Variants in UBTD2 observed in about 807,000 individuals in gnomAD.
The protein encoded by UBTD2 is ubiquitin domain-containing protein 2.
UBTD2 carries 9 observed loss-of-function variants against 19.8 expected under a neutral mutation model. The ratio of observed to expected loss-of-function variants is 0.46; its 90% CI spans 0.27 to 0.79. UBTD2 has a LOEUF of 0.79. Ranked by LOEUF, UBTD2 falls within the 30% of genes least tolerant of loss-of-function variation. The pLI, the probability that UBTD2 is intolerant of heterozygous loss-of-function variation, is 0.14. For missense variants in UBTD2, 250 were observed against 300.4 expected (o/e 0.83, Z 1.24); for synonymous variants, 98 against 103.9 (o/e 0.94, Z 0.35).
chr5:172,242,888 T>C (rs1772159711), intron 1 of UBTD2, among the ~76,000 whole-genome samples: 1 of 152,232 alleles, frequency 6.6e-6, no homozygotes, highest in Non-Finnish European at 1.5e-5. Flanking sequence ...TCTTCCCTCA[T>C]TCCCTTTTTA....
intron 1 of UBTD2, among the ~76,000 whole-genome samples, chr5:172,262,657 CA>C (rs923517601): frequency 6.6e-6 from 1 of 150,496 alleles, no homozygotes; most frequent in Non-Finnish European, 1.5e-5. Context: ...ACTAAGAATA[CA>C]AAAAAAATTA....
chr5:172,214,413 C>T (rs1003388546), intron 2 of UBTD2, among the ~76,000 whole-genome samples: 3 of 152,216 alleles, frequency 2.0e-5, no homozygotes, highest in African/African-American at 7.2e-5. Flanking sequence ...AATCTTCCCT[C>T]TTCTCTGTTT....
chr5:172,270,952 T>TAATATAGTCTCACGACA, intron 1 of UBTD2, among the ~76,000 whole-genome samples: 1 of 152,318 alleles, frequency 6.6e-6, no homozygotes, highest in East Asian at 1.9e-4. Context: ...GGTCTACTTA[T>TAATATAGTCTCACGACA]GGCAATCCTG....
intron 1 of UBTD2, among the ~76,000 whole-genome samples, chr5:172,276,070 T>C (rs1755598503): frequency 6.6e-6 from 1 of 152,196 alleles, no homozygotes; most frequent in Non-Finnish European, 1.5e-5. Flanking sequence ...CTTGAGAATC[T>C]TGTGAAAATG....
chr5:172,278,750 T>C (rs1755654632), intron 1 of UBTD2, among the ~76,000 whole-genome samples: 1 of 152,132 alleles, frequency 6.6e-6, no homozygotes, highest in South Asian at 2.1e-4. Flanking sequence ...AGACGGTAAT[T>C]GTTATATGTT....
At chr5:172,214,458 T>C (rs574817260) in intron 2 of UBTD2, among the ~76,000 whole-genome samples, 1 of 152,318 alleles carries the variant, frequency 6.6e-6, no homozygotes, top group Admixed American at 6.5e-5. Flanking sequence ...ATTGTAGAAA[T>C]GGATCTACTT....
chr5:172,248,925 G>C (rs1754935329), intron 1 of UBTD2, among the ~76,000 whole-genome samples: 1 of 150,214 alleles, frequency 6.7e-6, no homozygotes, highest in Admixed American at 6.7e-5. Context: ...GTCACGGAGA[G>C]AGGGCCTGTC....
chr5:172,255,455 T>A (rs1257003489), intron 1 of UBTD2: 1 of 440,564 alleles, frequency 2.3e-6, no homozygotes, highest in Non-Finnish European at 4.6e-6. Flanking sequence ...CCTTCTAGGG[T>A]GCTCTGGTGT....
rs187024610 is a variant in UBTD2, at chr5:172,212,237, G to C, written c.308-10C>G. ...CACTCTGTAAGTGCACCTTCAGAAA[G>C]AGAAGATATGAATAAGAACTTAATC... On this transcript the variant is annotated splice_polypyrimidine_tract_variant and intron_variant, in intron 2 of 2. Coordinates refer to ENST00000393792, the MANE Select transcript of UBTD2 (RefSeq NM_152277.3). 3.2e-6 allele frequency: 5 copies of C among 1,573,380 alleles called. No individual in the cohort carries two copies. Among genetic ancestry groups the C allele is most frequent in the Middle Eastern group, 1.7e-4 (1 of 5,862 alleles).
At chr5:172,274,477 A>G (rs1755567608) in intron 1 of UBTD2, among the ~76,000 whole-genome samples, 1 of 152,258 alleles carries the variant, frequency 6.6e-6, no homozygotes, top group Admixed American at 6.5e-5. Context: ...AAAGAATAGA[A>G]GCATAAGAAA....
intron 1 of UBTD2, among the ~76,000 whole-genome samples, chr5:172,262,625 A>C (rs1016043805): frequency 1.3e-5 from 2 of 151,830 alleles, no homozygotes; most frequent in Admixed American, 1.3e-4. Flanking sequence ...CAGCCTCACC[A>C]ACAAGGCAAA....
At chr5:172,253,481 G>T (rs1755070882) in intron 1 of UBTD2, among the ~76,000 whole-genome samples, 2 of 147,378 alleles carry the variant, frequency 1.4e-5, no homozygotes, top group African/African-American at 5.0e-5. Context: ...TTGAGATGGA[G>T]TCTCACTCTG....
In UBTD2 at chr5:172,283,628, C is replaced by T. The variant is rs1755771186; in HGVS notation, c.38G>A (p.Gly13Asp). ...GCVGAQHDSS[G>D]SLNENSEGTG... ...GCCCTCCGAGTTCTCGTTGAGGCTG[C>T]CCGAGGAGTCGTGCTGGGCGCCCAC... Residue 13 changes from glycine to aspartate, a missense_variant, in exon 1 of 3, where the codon GGC becomes GAC. Transcript: ENST00000393792. The surrounding 1 kb of genome is among the most constrained non-coding windows in gnomAD (Gnocchi z 4.3). 3.9e-6 allele frequency: 5 copies of T among 1,293,976 alleles called. No homozygotes were observed. The highest frequency in any genetic ancestry group is 1.5e-5 in the African/African-American group (1 of 65,250). 80.2% of individuals were successfully genotyped at this position (1,293,976 alleles called of 1,614,324 possible).
intron 1 of UBTD2, among the ~76,000 whole-genome samples, chr5:172,242,954 G>A (rs1772160915): frequency 6.6e-6 from 1 of 151,950 alleles, no homozygotes; most frequent in Non-Finnish European, 1.5e-5. Context: ...ATAAATTTCA[G>A]TCACTATGTA....
At chr5:172,266,578 G>A (rs187294645) in intron 1 of UBTD2, among the ~76,000 whole-genome samples, 80 of 152,346 alleles carry the variant, frequency 5.3e-4, no homozygotes, top group African/African-American at 1.9e-3. Flanking sequence ...AATTGGAGGT[G>A]AAGAGATGTA....
At position 172,267,900 on chromosome 5, in the gene UBTD2, A is replaced by G. The variant is rs1333127452; in HGVS notation, c.70+15696T>C. 2.0e-5 allele frequency among the ~76,000 whole-genome samples: 3 copies of G among 152,362 alleles called. No homozygotes were observed. The East Asian group carries it at 5.8e-4, about 29-fold the overall frequency. ...ATTTAAGGTCATAAAGAAACGGAAG[A>G]TGAGTGGAACACTCAAGGGTTCTTC... On this transcript the variant is annotated intron_variant, in intron 1 of 2. Transcript: ENST00000393792.
rs60201763 is a variant in UBTD2 at position 172,251,626 on chromosome 5, GAA to G, written c.71-17270_71-17269del. Among the ~76,000 whole-genome samples, 186 of 142,334 alleles carry G rather than the reference GAA, an allele frequency of 1.3e-3. 1 individual carries two copies. The highest frequency in any genetic ancestry group is 7.3e-3 in the Middle Eastern group (2 of 274). 93.4% of individuals were successfully genotyped at this position (142,334 alleles called of 152,430 possible). On this transcript the variant is annotated intron_variant, in intron 1 of 2. Coordinates refer to ENST00000393792, the MANE Select transcript of UBTD2 (RefSeq NM_152277.3). Reference sequence around the variant, plus strand: ...ACAGTGGGTATGTTCAAAGTGCAATGAAAAAAAAAAAAAAATGGCAACCAAGA... The same window carrying G: ...ACAGTGGGTATGTTCAAAGTGCAATGAAAAAAAAAAAAATGGCAACCAAGA...
At chr5:172,273,146 C>A (rs1316735239) in intron 1 of UBTD2, among the ~76,000 whole-genome samples, 3 of 150,902 alleles carry the variant, frequency 2.0e-5, no homozygotes, top group African/African-American at 7.3e-5. Context: ...TAGACTAGGG[C>A]TATCAAAAGT....
chr5:172,281,934 G>A (rs1581238414), intron 1 of UBTD2, among the ~76,000 whole-genome samples: 1 of 152,214 alleles, frequency 6.6e-6, no homozygotes, highest in East Asian at 1.9e-4. Context: ...TATCTAACTG[G>A]ATACCACCGG....
Sources: allele counts gnomAD v4.1 joint callset (sites outside exome capture counted in the v4.1 genomes callset), GRCh38; gene constraint gnomAD v4.1.1; non-coding constraint Gnocchi (gnomAD v3.1); transcripts MANE v1.5; gene names NCBI Gene and HGNC (gene_info 2026-07-23, HGNC 2026-07-21).